Variants in MAGI2 observed in about 807,000 individuals in gnomAD.
The protein encoded by MAGI2 is membrane-associated guanylate kinase, WW and PDZ domain-containing protein 2.
MAGI2 carries 35 observed loss-of-function variants against 133.3 expected under a neutral mutation model. That is an observed-to-expected ratio of 0.26 (90% CI 0.20 to 0.35). The LOEUF is 0.35. MAGI2 is among the 10% of genes least tolerant of loss of function. The pLI is 1.00. For missense variants in MAGI2, 1,636 were observed against 1,863.4 expected (o/e 0.88, Z 2.25); for synonymous variants, 729 against 710.6 (o/e 1.03, Z -0.41).
chr7:79,182,700 G>T (rs1452232741), intron 1 of MAGI2, among the ~76,000 whole-genome samples: 1 of 151,796 alleles, frequency 6.6e-6, no homozygotes. Flanking sequence ...CAAAGAAAAA[G>T]AAACTAATAT....
intron 2 of MAGI2, chr7:78,940,342 T>C (rs1800866903): frequency 6.6e-6 from 1 of 152,172 alleles, no homozygotes; most frequent in African/African-American, 2.4e-5. Context: ...CAGTCATGTA[T>C]AATTATTTAT....
chr7:78,810,114 T>A (rs1788914041), intron 2 of MAGI2, among the ~76,000 whole-genome samples: 1 of 152,184 alleles, frequency 6.6e-6, no homozygotes, highest in Non-Finnish European at 1.5e-5. Context: ...ACTGTGTTTT[T>A]CTTTTTTAGG....
chr7:79,420,237 C>T (rs1445137981), intron 1 of MAGI2, among the ~76,000 whole-genome samples: 1 of 152,016 alleles, frequency 6.6e-6, no homozygotes, highest in African/African-American at 2.4e-5. Flanking sequence ...CATGTTCACA[C>T]ACAAACATGC....
At chr7:78,075,374 A>ATT (rs1815167254) in intron 21 of MAGI2, among the ~76,000 whole-genome samples, 1 of 136,970 alleles carries the variant, frequency 7.3e-6, no homozygotes. Flanking sequence ...GATGTAATAA[A>ATT]TCTTTTTTTT....
At position 78,435,142 on chromosome 7, in the gene MAGI2, A is replaced by G. The variant is rs78585799; in HGVS notation, c.1045+54619T>C. ...AGAATCCTGATCTATAAATGGGGGT[A>G]ATCTAAAGCACTTAGCGCCTAGGGA... On this transcript the variant is annotated intron_variant, in intron 6 of 21. Transcript: ENST00000354212. 7.9e-5 allele frequency among the ~76,000 whole-genome samples: 12 copies of G among 152,274 alleles called. No individual in the cohort carries two copies. In the East Asian group the frequency reaches 2.3e-3, roughly 29 times the overall value.
chr7:78,660,625 C>T (rs1812844577), intron 2 of MAGI2, among the ~76,000 whole-genome samples: 1 of 152,048 alleles, frequency 6.6e-6, no homozygotes, highest in Non-Finnish European at 1.5e-5. Context: ...AATGATATGA[C>T]ATATTGGTGG....
chr7:79,148,065 C>T, intron 1 of MAGI2, among the ~76,000 whole-genome samples: 1 of 152,166 alleles, frequency 6.6e-6, no homozygotes, highest in Non-Finnish European at 1.5e-5. Flanking sequence ...CAGAACTTTT[C>T]TTATGGAAGA....
intron 15 of MAGI2, among the ~76,000 whole-genome samples, chr7:78,165,074 A>T (rs1404337616): frequency 1.3e-5 from 2 of 152,254 alleles, no homozygotes; most frequent in Non-Finnish European, 2.9e-5. Flanking sequence ...ATAGTTGCCT[A>T]CTGAAACAAT....
At chr7:79,124,991 A>G in intron 1 of MAGI2, 1 of 264,010 alleles carries the variant, frequency 3.8e-6, no homozygotes, top group Non-Finnish European at 7.5e-6. Flanking sequence ...TGTGGAAGCA[A>G]AGAGGGCCAA....
Position 78,992,006 on chromosome 7 carries a change from G to C in MAGI2, c.418+15084C>G, listed in dbSNP as rs565756099. 1.5e-4 allele frequency among the ~76,000 whole-genome samples: 23 copies of C among 152,036 alleles called. No homozygotes were observed. The East Asian group carries it at 3.3e-3, about 22-fold the overall frequency. On this transcript the variant is annotated intron_variant, in intron 2 of 21. Transcript: ENST00000354212. Reference sequence around the variant, plus strand: ...AGAGCAGGGGTGAGCAAAATTCCAAGAACTATATTTGTATTTTTCAATTAA... The same window carrying C: ...AGAGCAGGGGTGAGCAAAATTCCAACAACTATATTTGTATTTTTCAATTAA...
chr7:78,764,677 A>T lies in MAGI2; in HGVS notation c.419-137438T>A, dbSNP rs143422614. On this transcript the variant is annotated intron_variant, in intron 2 of 21. Coordinates refer to ENST00000354212, the MANE Select transcript of MAGI2 (RefSeq NM_012301.4). ...TCCTTTGTGCTCTAGTTTTATTAAA[A>T]TCTGTACAGCCAAATACAGTTCTTG... Among the ~76,000 whole-genome samples, 23 of 152,314 alleles carry T rather than the reference A, an allele frequency of 1.5e-4. No homozygotes were observed. In the East Asian group the frequency reaches 4.3e-3, roughly 28 times the overall value.
chr7:78,712,973 G>A (rs189934318), intron 2 of MAGI2, among the ~76,000 whole-genome samples: 73 of 152,188 alleles, frequency 4.8e-4, no homozygotes, highest in African/African-American at 1.5e-3. Context: ...TTTTAGCATC[G>A]CAACAATCTA....
At chr7:78,558,104 T>C (rs1800015784) in intron 3 of MAGI2, among the ~76,000 whole-genome samples, 1 of 152,208 alleles carries the variant, frequency 6.6e-6, no homozygotes, top group Non-Finnish European at 1.5e-5. Flanking sequence ...AAATCCTTAA[T>C]ATATATCAAT....
chr7:78,467,643 GC>G (rs1790771907), intron 6 of MAGI2, among the ~76,000 whole-genome samples: 1 of 151,712 alleles, frequency 6.6e-6, no homozygotes, highest in African/African-American at 2.4e-5. Flanking sequence ...TGAGATAAAA[GC>G]AACACCTCAT....
chr7:78,454,654 A>G (rs1354012002), intron 6 of MAGI2, among the ~76,000 whole-genome samples: 1 of 152,194 alleles, frequency 6.6e-6, no homozygotes, highest in African/African-American at 2.4e-5. Context: ...TTTGCCAAAA[A>G]CTGGAAGTAA....
intron 1 of MAGI2, among the ~76,000 whole-genome samples, chr7:79,097,911 CAG>C (rs1380589176): frequency 1.3e-5 from 2 of 152,126 alleles, no homozygotes; most frequent in African/African-American, 4.8e-5. Flanking sequence ...CACTTGAGGT[CAG>C]GAGTTCGAGA....
chr7:78,587,340 A>G (rs1803534494), intron 3 of MAGI2, among the ~76,000 whole-genome samples: 1 of 152,082 alleles, frequency 6.6e-6, no homozygotes, highest in South Asian at 2.1e-4. Context: ...ATCACTGTCT[A>G]ATGAGGAGTG....
At chr7:78,083,072 T>C (rs1816155545) in intron 20 of MAGI2, among the ~76,000 whole-genome samples, 2 of 151,974 alleles carry the variant, frequency 1.3e-5, no homozygotes, top group East Asian at 1.9e-4. Flanking sequence ...CTCATCTGAC[T>C]TCAGTGCAGT....
chr7:79,199,498 C>T (rs2129551801), intron 1 of MAGI2, among the ~76,000 whole-genome samples: 1 of 152,104 alleles, frequency 6.6e-6, no homozygotes. Context: ...TGCAACTTTT[C>T]TTAGTCATAC....
Sources: allele counts gnomAD v4.1 joint callset (sites outside exome capture counted in the v4.1 genomes callset), GRCh38; gene constraint gnomAD v4.1.1; transcripts MANE v1.5; gene names NCBI Gene and HGNC (gene_info 2026-07-23, HGNC 2026-07-21).